PJA2: variants seen among roughly 807,000 people sequenced by gnomAD.
PJA2 encodes the protein E3 ubiquitin-protein ligase Praja-2.
In PJA2, 25 loss-of-function variants were observed where a neutral mutation model predicts 69.3. The ratio of observed to expected loss-of-function variants is 0.36; its 90% confidence interval spans 0.26 to 0.50. The LOEUF (loss-of-function observed/expected upper bound fraction) is 0.50. PJA2 is among the 20% of genes least tolerant of loss of function. The pLI, the probability that PJA2 is intolerant of heterozygous loss-of-function variation, is 0.96. For synonymous variants in PJA2, 308 were observed against 277.8 expected, an observed-to-expected ratio of 1.11 and a Z score of -1.08; for missense variants, 809 against 830.2, an observed-to-expected ratio of 0.97 and a Z score of 0.31.
chr5:109,383,266 A>C (rs1747091093), intron 2 of PJA2, 137 bp downstream of exon 2: 1 of 625,978 alleles, frequency 1.6e-6, no homozygotes, highest in Non-Finnish European at 2.7e-6. Flanking sequence ...TAAGCTTTAC[A>C]AATATTCAAT....
At chr5:109,349,815 C>G (rs919152377) in intron 7 of PJA2, among the ~76,000 whole-genome samples, 1 of 152,124 alleles carries the variant, frequency 6.6e-6, no homozygotes, top group Non-Finnish European at 1.5e-5. Flanking sequence ...TAGCCAATCC[C>G]TTGTTACTCT....
chr5:109,362,149 A>G (rs1762516088), intron 6 of PJA2, among the ~76,000 whole-genome samples: 1 of 152,364 alleles, frequency 6.6e-6, no homozygotes, highest in East Asian at 1.9e-4. Flanking sequence ...TGCCCCAGAA[A>G]AAGTAAAAAA....
chr5:109,344,141 G>A, intron 9 of PJA2, 49 bp downstream of exon 9: 2 of 1,084,476 alleles, frequency 1.8e-6, no homozygotes, highest in Non-Finnish European at 2.6e-6. Flanking sequence ...TTCACTTGCA[G>A]AAGACACTAT....
chr5:109,342,834 G>T lies in PJA2; in HGVS notation c.2001+1356C>A, dbSNP rs1338011612. ...CGCCCCGTCCGGGAGGGAGGTTGGG[G>T]GGTCAGCCCCCCGCCCGGCCAGCCG... On this transcript the variant is annotated intron_variant, in intron 9 of 9. Coordinates refer to ENST00000361189, the MANE Select transcript of PJA2 (RefSeq NM_014819.5). Among the ~76,000 whole-genome samples the T allele has an allele frequency of 5.4e-5, 4 of 73,994 alleles. No individual in the cohort carries two copies. In the South Asian group the frequency reaches 2.2e-3, roughly 41 times the overall value. 48.5% of individuals were successfully genotyped at this position (73,994 alleles called of 152,430 possible).
At chr5:109,392,057 T>C (rs1379299482) in intron 1 of PJA2, among the ~76,000 whole-genome samples, 1 of 152,124 alleles carries the variant, frequency 6.6e-6, no homozygotes, top group Non-Finnish European at 1.5e-5. Context: ...CCTAATAAAA[T>C]CCCAGCAGGC....
intron 1 of PJA2, among the ~76,000 whole-genome samples, chr5:109,407,677 G>C (rs138238464): frequency 1.2e-4 from 18 of 152,146 alleles, no homozygotes; most frequent in African/African-American, 4.1e-4. Context: ...ATACATGATA[G>C]AAAACTCAAA....
intron 1 of PJA2, 120 bp from the exon 2 acceptor site, chr5:109,383,640 A>G: frequency 2.3e-6 from 1 of 428,468 alleles, no homozygotes; most frequent in Non-Finnish European, 4.2e-6. Flanking sequence ...AATGTGATGT[A>G]GCCAGCATGG....
In PJA2 at chr5:109,365,276, A is replaced by C. The variant is rs191634192; in HGVS notation, c.1470-2254T>G. ...TGACTTAACTTTATACGAGCTTCTT[A>C]GAATATGTGACTTTAAGCAAAACAA... On this transcript the variant is annotated intron_variant, in intron 5 of 9. Coordinates refer to ENST00000361189, the MANE Select transcript of PJA2 (RefSeq NM_014819.5). Among the ~76,000 whole-genome samples, 152 of 152,346 alleles carry C rather than the reference A, an allele frequency of 1.0e-3. No homozygotes were observed. The East Asian group carries it at 0.02, about 20-fold the overall frequency.
chr5:109,351,584 C>T (rs1762252664), intron 7 of PJA2, among the ~76,000 whole-genome samples: 1 of 151,972 alleles, frequency 6.6e-6, no homozygotes, highest in African/African-American at 2.4e-5. Context: ...GGGATTTTTT[C>T]AAAATCCATT....
intron 2 of PJA2, among the ~76,000 whole-genome samples, chr5:109,383,167 C>T (rs982517847): frequency 1.6e-4 from 24 of 152,174 alleles, no homozygotes; most frequent in African/African-American, 3.9e-4. Flanking sequence ...GAATAGTCTC[C>T]GAAGTGGAAA....
chr5:109,337,800 T>C (rs1463852447), intron 9 of PJA2, among the ~76,000 whole-genome samples: 2 of 151,892 alleles, frequency 1.3e-5, no homozygotes, highest in Non-Finnish European at 1.5e-5. Flanking sequence ...CACCAAATCA[T>C]TTATGATTTG....
At chr5:109,338,312 A>T (rs1761982045) in intron 9 of PJA2, among the ~76,000 whole-genome samples, 1 of 152,152 alleles carries the variant, frequency 6.6e-6, no homozygotes, top group Non-Finnish European at 1.5e-5. Context: ...GTACAATTCA[A>T]GGCTGTACAA....
chr5:109,388,454 T>C lies in PJA2; in HGVS notation c.-87-4934A>G, dbSNP rs114036725. Among the ~76,000 whole-genome samples the C allele has an allele frequency of 4.5e-3, 679 of 152,214 alleles. 6 individuals are homozygous for C. Among genetic ancestry groups the C allele is most frequent in the African/African-American group, 0.014 (594 of 41,514 alleles). Reference sequence around the variant, plus strand: ...GACTATGTGATGATAAATGTCTGAGTTGCTATGTCCACTGCAGGACAACAA... The same window carrying C: ...GACTATGTGATGATAAATGTCTGAGCTGCTATGTCCACTGCAGGACAACAA... On this transcript the variant is annotated intron_variant, in intron 1 of 9. Transcript: ENST00000361189.
chr5:109,365,137 T>C (rs1309191042), intron 5 of PJA2, among the ~76,000 whole-genome samples: 1 of 152,208 alleles, frequency 6.6e-6, no homozygotes, highest in African/African-American at 2.4e-5. Flanking sequence ...TTCCAGTTAT[T>C]TCTCCTAAAC....
chr5:109,371,249 G>A (rs969582282), intron 4 of PJA2, among the ~76,000 whole-genome samples: 1 of 152,042 alleles, frequency 6.6e-6, no homozygotes, highest in African/African-American at 2.4e-5. Context: ...TCCCCAGCCA[G>A]CCCCAACCAT....
At chr5:109,405,971 T>G (rs1461534872) in intron 1 of PJA2, among the ~76,000 whole-genome samples, 1 of 151,746 alleles carries the variant, frequency 6.6e-6, no homozygotes, top group African/African-American at 2.4e-5. Context: ...TGTTTATGTA[T>G]CTCTGTGTGT....
chr5:109,401,064 G>A (rs1747534908), intron 1 of PJA2, among the ~76,000 whole-genome samples: 1 of 152,104 alleles, frequency 6.6e-6, no homozygotes. Flanking sequence ...GGCCAAGGAG[G>A]GCAGACCACT....
At chr5:109,341,548 TGG>T (rs1334894081) in intron 9 of PJA2, among the ~76,000 whole-genome samples, 1 of 51,428 alleles carries the variant, frequency 1.9e-5, no homozygotes, top group African/African-American at 6.7e-5. Flanking sequence ...GGGAGGGAGG[TGG>T]GGGGGGGTCA....
At chr5:109,408,207 G>C (rs182658671) in intron 1 of PJA2, among the ~76,000 whole-genome samples, 131 of 152,240 alleles carry the variant, frequency 8.6e-4, no homozygotes, top group African/African-American at 3.0e-3. Flanking sequence ...AGAAGTGGAA[G>C]CGGTAATTTT....
Sources: gnomAD v4.1 joint callset for allele counts (sites outside exome capture counted in the v4.1 genomes callset) on GRCh38, gnomAD v4.1.1 for gene constraint, MANE v1.5 for transcripts, NCBI Gene and HGNC (gene_info 2026-07-23, HGNC 2026-07-21) for gene names.